The following AOAH variants were observed in gnomAD, a reference collection of about 807,000 sequenced individuals.
The protein encoded by AOAH is acyloxyacyl hydrolase (neutrophil).
A neutral mutation model predicts 92.2 loss-of-function variants in AOAH; 64 were observed. The observed-to-expected ratio is 0.69, with a 90% CI of 0.57 to 0.86. The LOEUF (loss-of-function observed/expected upper bound fraction) is 0.86. AOAH is among the 40% of genes least tolerant of loss of function. AOAH has a pLI of 0.00. For missense variants in AOAH, 656 were observed against 694.6 expected, an observed-to-expected ratio of 0.94 and a Z score of 0.62; for synonymous variants, 263 against 254.5, an observed-to-expected ratio of 1.03 and a Z score of -0.32.
At chr7:36,514,638 A>G (rs1361887779) in intron 20 of AOAH, 17 of 1,349,330 alleles carry the variant, frequency 1.3e-5, no homozygotes, top group Non-Finnish European at 1.5e-5. Flanking sequence ...CCAGGCCTGC[A>G]GACTCCAGAT....
Position 36,712,073 on chromosome 7 carries a change from T to C in AOAH, c.127+11949A>G, listed in dbSNP as rs532133216. Among the ~76,000 whole-genome samples, 9 of 152,342 alleles carry C rather than the reference T, an allele frequency of 5.9e-5. No homozygotes were observed. In the East Asian group the frequency reaches 1.7e-3, roughly 29 times the overall value. On this transcript the variant is annotated intron_variant, in intron 1 of 20. Transcript: ENST00000617537. ...TGTCTTATGAACAAGCGTTTAGTTA[T>C]AGAGAAATAGAAAGAGTGAAATTTC...
chr7:36,621,797 C>T lies in AOAH; in HGVS notation c.583-17G>A, dbSNP rs1264806408. 2 of 1,613,558 alleles carry T rather than the reference C, an allele frequency of 1.2e-6. No homozygotes were observed. The highest frequency in any genetic ancestry group is 1.7e-6 in the Non-Finnish European group (2 of 1,179,480). ...CCGCAGTGTCTGAAATTGAAGAGCA[C>T]ACACAGGAGGGGTTCAGCCTGCTTT... On this transcript the variant is annotated splice_polypyrimidine_tract_variant and intron_variant, in intron 7 of 20. Coordinates refer to ENST00000617537, the MANE Select transcript of AOAH (RefSeq NM_001637.4).
At chr7:36,529,890 C>A (rs191951475) in intron 19 of AOAH, among the ~76,000 whole-genome samples, 4 of 152,212 alleles carry the variant, frequency 2.6e-5, no homozygotes, top group Non-Finnish European at 5.9e-5. Context: ...TAGTAATATT[C>A]CTTCCAGAAA....
chr7:36,554,899 T>A (rs1197107260), intron 13 of AOAH, among the ~76,000 whole-genome samples: 1 of 147,114 alleles, frequency 6.8e-6, no homozygotes, highest in Non-Finnish European at 1.5e-5. Flanking sequence ...GACAATGGGG[T>A]TTTCTAGATA....
In AOAH at chr7:36,667,548, C is replaced by T. The variant is rs146509067; in HGVS notation, c.290+6395G>A. ...AACTTTTATCCATGGTTTCAGGCAT[C>T]CACTGGTGGTCTTGGAACATATTTC... On this transcript the variant is annotated intron_variant, in intron 3 of 20. Transcript: ENST00000617537. Among the ~76,000 whole-genome samples, 95 of 152,274 alleles carry T rather than the reference C, an allele frequency of 6.2e-4. 1 individual carries two copies. Among genetic ancestry groups the T allele is most frequent in the Middle Eastern group, 3.4e-3 (1 of 294 alleles).
intron 15 of AOAH, among the ~76,000 whole-genome samples, chr7:36,541,780 AT>A (rs1430703919): frequency 2.6e-5 from 4 of 152,210 alleles, no homozygotes; most frequent in African/African-American, 9.6e-5. Flanking sequence ...TAAGTTTATT[AT>A]TGTTCATTTC....
intron 11 of AOAH, among the ~76,000 whole-genome samples, chr7:36,607,618 G>A (rs1033194646): frequency 2.0e-5 from 3 of 152,096 alleles, no homozygotes; most frequent in African/African-American, 4.8e-5. Flanking sequence ...ACACTCTTCC[G>A]GTTATATTCA....
At chr7:36,519,663 CAGG>C in intron 20 of AOAH, among the ~76,000 whole-genome samples, 1 of 152,230 alleles carries the variant, frequency 6.6e-6, no homozygotes, top group South Asian at 2.1e-4. Context: ...CTCCCGACCT[CAGG>C]TGATCCACTC....
chr7:36,679,771 C>T (rs982620020), intron 2 of AOAH, among the ~76,000 whole-genome samples: 2 of 152,140 alleles, frequency 1.3e-5, no homozygotes, highest in African/African-American at 2.4e-5. Context: ...AATTCTTCTG[C>T]GTCAGCCTCC....
intron 2 of AOAH, among the ~76,000 whole-genome samples, chr7:36,676,177 A>G (rs1029492915): frequency 7.2e-5 from 11 of 152,360 alleles, no homozygotes; most frequent in South Asian, 2.1e-4. Flanking sequence ...ATGTAAGACT[A>G]TCTTGTGGCT....
intron 13 of AOAH, among the ~76,000 whole-genome samples, chr7:36,575,334 T>A (rs964961802): frequency 6.6e-6 from 1 of 152,206 alleles, no homozygotes; most frequent in African/African-American, 2.4e-5. Context: ...TAACTTACTA[T>A]CTGTGTGGCT....
intron 11 of AOAH, among the ~76,000 whole-genome samples, chr7:36,611,606 A>G (rs377482386): frequency 6.6e-6 from 1 of 152,172 alleles, no homozygotes; most frequent in East Asian, 1.9e-4. Context: ...AGCACACTGC[A>G]GAGTGAGCCA....
At chr7:36,540,270 G>T in intron 16 of AOAH, 49 bp downstream of exon 16, 1 of 1,495,318 alleles carries the variant, frequency 6.7e-7, no homozygotes, top group Non-Finnish European at 9.1e-7. Context: ...ACATTGAACT[G>T]TATATACATT....
chr7:36,580,442 C>CT (rs1253056631), intron 12 of AOAH, among the ~76,000 whole-genome samples: 4 of 151,892 alleles, frequency 2.6e-5, no homozygotes, highest in East Asian at 3.9e-4. Flanking sequence ...TTCTTTTATC[C>CT]TTTTTTGAAG....
At chr7:36,633,517 T>A (rs145956440) in intron 5 of AOAH, among the ~76,000 whole-genome samples, 1 of 151,972 alleles carries the variant, frequency 6.6e-6, no homozygotes, top group East Asian at 1.9e-4. Flanking sequence ...GAAGAGGGAG[T>A]GCCCGAGCAG....
At chr7:36,540,845 CAG>C (rs1482753340) in intron 15 of AOAH, among the ~76,000 whole-genome samples, 1 of 152,212 alleles carries the variant, frequency 6.6e-6, no homozygotes, top group Non-Finnish European at 1.5e-5. Flanking sequence ...AGTCCTGGAA[CAG>C]AGTCCCATGG....
intron 16 of AOAH, 26 bp downstream of exon 16, chr7:36,540,293 G>T: frequency 6.3e-7 from 1 of 1,581,388 alleles, no homozygotes; most frequent in Non-Finnish European, 8.6e-7. Flanking sequence ...TGTTATTAAA[G>T]AGTAAAAGAA....
intron 1 of AOAH, among the ~76,000 whole-genome samples, chr7:36,719,372 T>G (rs996190087): frequency 5.3e-5 from 8 of 152,178 alleles, no homozygotes; most frequent in Non-Finnish European, 1.2e-4. Context: ...CGGAGAAGTG[T>G]TGGGGAGACC....
chr7:36,585,116 G>A (rs111398903), intron 12 of AOAH, among the ~76,000 whole-genome samples: 52 of 152,144 alleles, frequency 3.4e-4, no homozygotes, highest in African/African-American at 1.1e-3. Context: ...AGTTAGATGG[G>A]GGGTCAGTAT....
Sources: allele counts gnomAD v4.1 joint callset (sites outside exome capture counted in the v4.1 genomes callset), GRCh38; gene constraint gnomAD v4.1.1; transcripts MANE v1.5; gene names NCBI Gene and HGNC (gene_info 2026-07-23, HGNC 2026-07-21).